The following SLC6A19 variants were observed in gnomAD, a reference collection of about 807,000 sequenced individuals.
The protein encoded by SLC6A19 is sodium-dependent neutral amino acid transporter B(0)AT1.
A neutral mutation model predicts 68.3 loss-of-function variants in SLC6A19; 67 were observed. The observed-to-expected ratio is 0.98, with a 90% CI of 0.81 to 1.20. The LOEUF (loss-of-function observed/expected upper bound fraction) is 1.20, where lower values mean the gene tolerates loss of function less well. SLC6A19 is among the 50% of genes most tolerant of loss of function. SLC6A19 has a pLI of 0.00. For missense variants in SLC6A19, 813 were observed against 851.6 expected (o/e 0.95, Z 0.56); for synonymous variants, 392 against 374.9 (o/e 1.05, Z -0.53).
Position 1,211,160 on chromosome 5 carries a change from C to T in SLC6A19, c.481+579C>T, listed in dbSNP as rs537550653. On this transcript the variant is annotated intron_variant, in intron 3 of 11. Coordinates refer to ENST00000304460, the MANE Select transcript of SLC6A19 (RefSeq NM_001003841.3). ...GACCAGCACAGCGGGGCCAGCGGGGCTTCCCTGCATGCTGCTGCTCTGTCG... is the reference window on the plus strand; with the variant it reads ...GACCAGCACAGCGGGGCCAGCGGGGTTTCCCTGCATGCTGCTGCTCTGTCG... Among the ~76,000 whole-genome samples the T allele has an allele frequency of 2.6e-5, 4 of 152,358 alleles. No homozygotes were observed. The East Asian group carries it at 7.7e-4, about 29-fold the overall frequency.
rs1746385562 is a variant in SLC6A19, at chr5:1,221,694, TC to T, written c.1702-3del. The stretch of plus-strand genomic sequence containing the variant: ...ATGCCTACTCACCCATGGGGCTCTC[TC>T]CCCAGGAGGAATTTCCCAAATCCCA... On this transcript the variant is annotated splice_region_variant and splice_polypyrimidine_tract_variant and intron_variant, in intron 11 of 11. Transcript: ENST00000304460. 1 of 1,613,816 alleles carries T rather than the reference TC, an allele frequency of 6.2e-7. No individual in the cohort carries two copies. The highest frequency in any genetic ancestry group is 8.5e-7 in the Non-Finnish European group (1 of 1,179,838).
In SLC6A19 at chr5:1,218,973, T is replaced by A; in HGVS notation, c.1244T>A (p.Leu415Gln). The change falls in exon 9 of 12, where the codon CTG becomes CAG. Residue 415 changes from leucine (L) to glutamine (Q), a missense_variant. Leu to Gln is a moderately radical substitution (Grantham distance 113). Coordinates refer to ENST00000304460, the MANE Select transcript of SLC6A19 (RefSeq NM_001003841.3). ...EAITKMPLSP[L>Q]WSVLFFIMLF... The stretch of plus-strand genomic sequence containing the variant: ...ATCACCAAGATGCCGTTGTCCCCAC[T>A]GTGGTCTGTGCTCTTCTTCATTATG... The A allele has an allele frequency of 1.9e-6, 3 of 1,614,100 alleles. No homozygotes were observed. The highest frequency in any genetic ancestry group is 2.5e-6 in the Non-Finnish European group (3 of 1,180,028).
At chr5:1,221,416 C>A in intron 11 of SLC6A19, 103 bp downstream of exon 11, 1 of 1,408,642 alleles carries the variant, frequency 7.1e-7, no homozygotes, top group Non-Finnish European at 9.8e-7. Context: ...TACACACACC[C>A]ACACACATGG....
intron 1 of SLC6A19, among the ~76,000 whole-genome samples, chr5:1,206,142 C>G (rs993213317): frequency 6.6e-6 from 1 of 152,210 alleles, no homozygotes; most frequent in Non-Finnish European, 1.5e-5. Context: ...AGAAAAGGCT[C>G]CGTGTTAAAC....
intron 1 of SLC6A19, among the ~76,000 whole-genome samples, chr5:1,205,625 A>G (rs575475481): frequency 2.0e-5 from 3 of 152,318 alleles, no homozygotes; most frequent in Non-Finnish European, 4.4e-5. Flanking sequence ...TTCTCAATGG[A>G]GATGAAGCGA....
At chr5:1,208,270 T>C (rs1194152834) in intron 1 of SLC6A19, among the ~76,000 whole-genome samples, 1 of 151,940 alleles carries the variant, frequency 6.6e-6, no homozygotes, top group Admixed American at 6.6e-5. Flanking sequence ...CCACAGAACG[T>C]TCATTAAGCC....
At chr5:1,213,881 G>A (rs1037682893) in intron 5 of SLC6A19, 72 bp from the exon 6 acceptor site, 43 of 1,573,866 alleles carry the variant, frequency 2.7e-5, no homozygotes, top group Admixed American at 3.4e-5. Context: ...CCGCCTCCCT[G>A]GGAGCACACC....
intron 10 of SLC6A19, 143 bp from the exon 11 acceptor site, chr5:1,221,008 C>T: frequency 9.9e-7 from 1 of 1,010,844 alleles, no homozygotes. Flanking sequence ...CACCCATGAC[C>T]AGGAGGGAGG....
At chr5:1,211,851 AG>A (rs1201989079) in intron 3 of SLC6A19, among the ~76,000 whole-genome samples, 1 of 133,188 alleles carries the variant, frequency 7.5e-6, no homozygotes, top group African/African-American at 3.0e-5. Context: ...TGGGGTGTGC[AG>A]GTGCATGGAC....
At chr5:1,221,024 G>T in intron 10 of SLC6A19, 127 bp from the exon 11 acceptor site, 3 of 1,193,220 alleles carry the variant, frequency 2.5e-6, no homozygotes, top group Non-Finnish European at 3.6e-6. Context: ...GGAGGGATCG[G>T]GCCCTGGCAA....
Position 1,218,412 on chromosome 5 carries a change from C to T in SLC6A19, c.1174-491C>T, listed in dbSNP as rs888946434. Among the ~76,000 whole-genome samples, 17 of 152,322 alleles carry T rather than the reference C, an allele frequency of 1.1e-4. No homozygotes were observed. The East Asian group carries it at 2.5e-3, about 22-fold the overall frequency. Reference sequence around the variant, plus strand: ...TGGGCCGGGGCCTGGTTCTTGGTGACGGTCTGGGACCAGACACAGGAGCAG... The same window carrying T: ...TGGGCCGGGGCCTGGTTCTTGGTGATGGTCTGGGACCAGACACAGGAGCAG... On this transcript the variant is annotated intron_variant, in intron 8 of 11. Transcript: ENST00000304460.
intron 1 of SLC6A19, among the ~76,000 whole-genome samples, chr5:1,207,085 C>A (rs986413491): frequency 6.6e-6 from 1 of 152,238 alleles, no homozygotes; most frequent in Non-Finnish European, 1.5e-5. Context: ...GTAGGAGACG[C>A]ACTGCGCGGT....
rs1404080641 is a variant in SLC6A19 at position 1,215,978 on chromosome 5, A to T, written c.888-580A>T. ...GTTTGATTGGCATTTCCCTGAGGCT[A>T]ACAGATTCAGCTTTTGATGGAAGCA... On this transcript the variant is annotated intron_variant, in intron 6 of 11. Transcript: ENST00000304460. The surrounding 1 kb of genome is among the most constrained non-coding windows in gnomAD (Gnocchi z 5.1). Among the ~76,000 whole-genome samples the T allele has an allele frequency of 3.3e-5, 5 of 152,190 alleles. No homozygotes were observed. Among genetic ancestry groups the T allele is most frequent in the Non-Finnish European group, 5.9e-5 (4 of 68,038 alleles).
intron 6 of SLC6A19, among the ~76,000 whole-genome samples, chr5:1,216,356 A>C (rs367971618): frequency 6.6e-6 from 1 of 152,190 alleles, no homozygotes; most frequent in South Asian, 2.1e-4. Flanking sequence ...GCAGGGGACC[A>C]GGTGCTGCCC....
rs1263138754 is a variant in SLC6A19, at chr5:1,216,789, G to A, written c.1017G>A (p.Thr339=). Residue 339 remains threonine, a splice_region_variant and synonymous_variant, in exon 8 of 12, where the codon ACG becomes ACA. Coordinates refer to ENST00000304460, the MANE Select transcript of SLC6A19 (RefSeq NM_001003841.3). ...ATQRYDDCFS[T]NILTLINGFD... ...CCGTCAGCCTCAATCTGACCCGCAGGAACATCCTGACCCTCATCAACGGGT... is the reference window on the plus strand; with the variant it reads ...CCGTCAGCCTCAATCTGACCCGCAGAAACATCCTGACCCTCATCAACGGGT... The A allele has an allele frequency of 1.2e-6, 2 of 1,613,632 alleles. No homozygotes were observed. The highest frequency in any genetic ancestry group is 2.7e-5 in the African/African-American group (2 of 74,950).
chr5:1,218,176 G>T (rs1016560048), intron 8 of SLC6A19, among the ~76,000 whole-genome samples: 7 of 152,206 alleles, frequency 4.6e-5, no homozygotes, highest in Non-Finnish European at 8.8e-5. Flanking sequence ...TGTGCAAGGG[G>T]TTCCACTCTT....
At chr5:1,217,024 T>G in intron 8 of SLC6A19, 79 bp downstream of exon 8, 2 of 1,598,192 alleles carry the variant, frequency 1.3e-6, no homozygotes, top group Non-Finnish European at 1.7e-6. Context: ...CCTGGGCCCC[T>G]GGCCTGTGGA....
chr5:1,222,138 TGG>T lies in SLC6A19; in HGVS notation c.*236_*237del. The T allele has an allele frequency of 1.7e-6, 1 of 605,088 alleles. No individual in the cohort carries two copies. Among genetic ancestry groups the T allele is most frequent in the African/African-American group, 1.9e-5 (1 of 54,030 alleles). The allele number at this position is 605,088 out of a possible 1,614,324, so 37.5% of individuals were successfully genotyped here. On this transcript the variant is annotated 3_prime_UTR_variant, in exon 12 of 12. Transcript: ENST00000304460. ...GTGTATGCACACATATACATGTGTGTGGGTGTGTGTATTGTATGTGCATGTGC... is the reference window on the plus strand; with the variant it reads ...GTGTATGCACACATATACATGTGTGTGTGTGTGTATTGTATGTGCATGTGC...
rs745524993 is a variant in SLC6A19, at chr5:1,221,162, A to G, written c.1550A>G (p.Asp517Gly). ...YVYGVDRFNK[D>G]IEFMIGHKPN... The stretch of plus-strand genomic sequence containing the variant: ...TCTGGCCTTGGCAGGTTCAATAAGG[A>G]CATCGAGTTCATGATCGGCCACAAG... Residue 517 changes from aspartate (D) to glycine (G), a missense_variant, in exon 11 of 12, where the codon GAC becomes GGC. Transcript: ENST00000304460. 6.4e-5 allele frequency: 103 copies of G among 1,613,640 alleles called. No homozygotes were observed. The highest frequency in any genetic ancestry group is 8.1e-5 in the Non-Finnish European group (96 of 1,179,916).
Sources: allele counts gnomAD v4.1 joint callset (sites outside exome capture counted in the v4.1 genomes callset), GRCh38; gene constraint gnomAD v4.1.1; non-coding constraint Gnocchi (gnomAD v3.1); transcripts MANE v1.5; gene names NCBI Gene and HGNC (gene_info 2026-07-23, HGNC 2026-07-21).